Variants in RORA observed in about 807,000 individuals in gnomAD.
The protein encoded by RORA is nuclear receptor ROR-alpha.
RORA carries 7 observed loss-of-function variants against 69.5 expected under a neutral mutation model. That is an observed-to-expected ratio of 0.10 (90% confidence interval 0.06 to 0.19). The LOEUF is 0.19. Among genes scored for constraint, RORA ranks in the 10% least tolerant of loss-of-function variants. The pLI, the probability that RORA is intolerant of heterozygous loss-of-function variation, is 1.00. For synonymous variants in RORA, 261 were observed against 240.8 expected (o/e 1.08, Z -0.78); for missense variants, 457 against 663.0 (o/e 0.69, Z 3.41).
At chr15:60,901,055 T>A (rs1484787464) in intron 1 of RORA, among the ~76,000 whole-genome samples, 1 of 152,186 alleles carries the variant, frequency 6.6e-6, no homozygotes, top group South Asian at 2.1e-4. Flanking sequence ...GTATTGAAAT[T>A]ATGCCTATAT....
chr15:60,779,508 T>C (rs1351118897), intron 1 of RORA, among the ~76,000 whole-genome samples: 1 of 152,184 alleles, frequency 6.6e-6, no homozygotes, highest in Non-Finnish European at 1.5e-5. Context: ...CACCTGCTGC[T>C]GTGGAAGATG....
At chr15:60,588,025 T>C (rs2068385067) in intron 2 of RORA, among the ~76,000 whole-genome samples, 1 of 151,960 alleles carries the variant, frequency 6.6e-6, no homozygotes. Flanking sequence ...AATCAAAAGG[T>C]TGGGATGGAA....
rs141431646 is a variant in RORA at position 61,124,330 on chromosome 15, C to T, written c.166+104723G>A. On this transcript the variant is annotated intron_variant, in intron 1 of 10. Coordinates refer to ENST00000335670, the MANE Select transcript of RORA (RefSeq NM_134261.3). ...TTTTGTTTCCTATATATTTGGATCC[C>T]GACTGCGGTCTACCTCCAGGCAGGA... is the stretch of plus-strand genomic sequence containing the variant. Among the ~76,000 whole-genome samples, 7 of 152,274 alleles carry T rather than the reference C, an allele frequency of 4.6e-5. No individual in the cohort carries two copies. The South Asian group carries it at 8.3e-4, about 18-fold the overall frequency.
chr15:60,510,622 A>G (rs1256792276), intron 5 of RORA: 1 of 152,604 alleles, frequency 6.6e-6, no homozygotes, highest in South Asian at 2.1e-4. Context: ...TGCATATGAT[A>G]TAAATGGCGG....
At chr15:60,785,489 A>G (rs1377315241) in intron 1 of RORA, among the ~76,000 whole-genome samples, 1 of 152,244 alleles carries the variant, frequency 6.6e-6, no homozygotes, top group African/African-American at 2.4e-5. Flanking sequence ...GGACAATCTC[A>G]TGCATTCTTT....
At chr15:60,640,209 C>T (rs528371507) in intron 2 of RORA, among the ~76,000 whole-genome samples, 28 of 152,158 alleles carry the variant, frequency 1.8e-4, no homozygotes, top group Non-Finnish European at 3.4e-4. Context: ...CATTTGTTGG[C>T]GCCCTTCCCC....
chr15:60,839,791 C>G (rs1473020697), intron 1 of RORA, among the ~76,000 whole-genome samples: 1 of 152,126 alleles, frequency 6.6e-6, no homozygotes, highest in Non-Finnish European at 1.5e-5. Context: ...GCACCAGAAG[C>G]ATGGGAGGAA....
intron 2 of RORA, among the ~76,000 whole-genome samples, chr15:60,644,485 T>C (rs1043165639): frequency 1.1e-4 from 16 of 152,236 alleles, no homozygotes; most frequent in Non-Finnish European, 2.1e-4. Context: ...TCATTTTCAA[T>C]TGGAATCTTT....
chr15:60,850,698 T>C (rs1381473888), intron 1 of RORA, among the ~76,000 whole-genome samples: 1 of 152,090 alleles, frequency 6.6e-6, no homozygotes, highest in Non-Finnish European at 1.5e-5. Flanking sequence ...TTCCCATCCA[T>C]AGTCACCTGC....
intron 1 of RORA, among the ~76,000 whole-genome samples, chr15:60,836,584 T>C (rs909172277): frequency 8.5e-5 from 13 of 152,152 alleles, no homozygotes; most frequent in Admixed American, 7.9e-4. Context: ...CCCTCTCCGA[T>C]GGCTCCCTGA....
At position 60,537,159 on chromosome 15, in the gene RORA, G is replaced by C. The variant is rs777679112; in HGVS notation, c.197-5308C>G. Among the ~76,000 whole-genome samples the C allele has an allele frequency of 6.6e-6, 1 of 152,158 alleles. No homozygotes were observed. ...CCTGGCTTGCGTGTCAAGGTTAGCC[G>C]GGGGAGAGCTGCAGAGTCTTCACCT... On this transcript the variant is annotated intron_variant, in intron 2 of 10. Coordinates refer to ENST00000335670, the MANE Select transcript of RORA (RefSeq NM_134261.3). The surrounding 1 kb of genome is among the most constrained non-coding windows in gnomAD (Gnocchi z 4.9).
At chr15:60,712,659 G>A (rs1027168991) in intron 1 of RORA, among the ~76,000 whole-genome samples, 1 of 152,188 alleles carries the variant, frequency 6.6e-6, no homozygotes, top group East Asian at 1.9e-4. Flanking sequence ...TTGTTCCCGA[G>A]GCCAGAAGAC....
chr15:61,112,591 T>C (rs934805568), intron 1 of RORA, among the ~76,000 whole-genome samples: 1 of 152,190 alleles, frequency 6.6e-6, no homozygotes, highest in Non-Finnish European at 1.5e-5. Flanking sequence ...TTTAACGCTC[T>C]GTGAAGCACA....
At chr15:61,026,815 G>A (rs1302151749) in intron 1 of RORA, among the ~76,000 whole-genome samples, 1 of 152,138 alleles carries the variant, frequency 6.6e-6, no homozygotes, top group African/African-American at 2.4e-5. Context: ...CTTTTGTTCT[G>A]GGAGAAGTTG....
intron 1 of RORA, among the ~76,000 whole-genome samples, chr15:61,008,949 G>C (rs1895003524): frequency 6.6e-6 from 1 of 152,138 alleles, no homozygotes; most frequent in South Asian, 2.1e-4. Flanking sequence ...GGCATAGAAA[G>C]GGTCAGGTCC....
At chr15:61,076,929 T>C (rs1185829230) in intron 1 of RORA, among the ~76,000 whole-genome samples, 1 of 140,664 alleles carries the variant, frequency 7.1e-6, no homozygotes, top group Non-Finnish European at 1.6e-5. Context: ...CCCTTGCTTG[T>C]TCAAAGTAAA....
chr15:60,767,789 T>C (rs1283136918), intron 1 of RORA, among the ~76,000 whole-genome samples: 7 of 152,344 alleles, frequency 4.6e-5, no homozygotes, highest in African/African-American at 1.4e-4. Flanking sequence ...TGTTAGTTCC[T>C]TTATGAAGAT....
intron 2 of RORA, among the ~76,000 whole-genome samples, chr15:60,552,449 G>A (rs1280175841): frequency 6.6e-6 from 1 of 152,124 alleles, no homozygotes; most frequent in East Asian, 1.9e-4. Flanking sequence ...TTTATTAGCT[G>A]TCTCCACACA....
intron 1 of RORA, among the ~76,000 whole-genome samples, chr15:60,680,459 G>A (rs1032989222): frequency 6.6e-6 from 1 of 151,700 alleles, no homozygotes; most frequent in Non-Finnish European, 1.5e-5. Flanking sequence ...TTTTCATGAC[G>A]ATTACATTGA....
Sources: gnomAD v4.1 joint callset for allele counts (sites outside exome capture counted in the v4.1 genomes callset) on GRCh38, gnomAD v4.1.1 for gene constraint, Gnocchi (gnomAD v3.1) non-coding constraint, MANE v1.5 for transcripts, NCBI Gene and HGNC (gene_info 2026-07-23, HGNC 2026-07-21) for gene names.